SCHIP1: variants seen among roughly 807,000 people sequenced by gnomAD.
SCHIP1 encodes the protein schwannomin interacting protein 1.
Under a neutral mutation model 29.7 loss-of-function variants are expected in SCHIP1, and 8 were observed. The ratio of observed to expected loss-of-function variants is 0.27; its 90% CI spans 0.16 to 0.49. The LOEUF (loss-of-function observed/expected upper bound fraction) is 0.49. Among genes scored for constraint, SCHIP1 ranks in the 20% least tolerant of loss-of-function variants. The pLI, the probability that SCHIP1 is intolerant of heterozygous loss-of-function variation, is 0.99. For missense variants in SCHIP1, 193 were observed against 294.6 expected (o/e 0.66, Z 2.52); for synonymous variants, 76 against 94.9 (o/e 0.80, Z 1.16).
chr3:159,590,243 T>C, the SCHIP1 span, among the ~76,000 whole-genome samples: 1 of 151,972 alleles, frequency 6.6e-6, no homozygotes, highest in Admixed American at 6.6e-5. Flanking sequence ...CATTTCAAAG[T>C]CAAACCCTAA....
At chr3:159,457,922 C>A in the SCHIP1 span, among the ~76,000 whole-genome samples, 1 of 152,046 alleles carries the variant, frequency 6.6e-6, no homozygotes, top group Non-Finnish European at 1.5e-5. Context: ...TAGTTGACTG[C>A]AGGTAACTGG....
the SCHIP1 span, among the ~76,000 whole-genome samples, chr3:159,713,206 AAGAGAG>A: frequency 5.0e-3 from 705 of 140,498 alleles, 5 homozygotes; most frequent in African/African-American, 0.019. Context: ...GAAAGAAAGA[AAGAGAG>A]AGAGAGAGAG....
chr3:159,633,025 T>C, the SCHIP1 span, among the ~76,000 whole-genome samples: 1 of 152,164 alleles, frequency 6.6e-6, no homozygotes, highest in African/African-American at 2.4e-5. Flanking sequence ...GAAAACCTTC[T>C]CCTAGGTCTG....
the SCHIP1 span, among the ~76,000 whole-genome samples, chr3:159,348,147 T>C: frequency 6.6e-6 from 1 of 152,248 alleles, no homozygotes; most frequent in East Asian, 1.9e-4. Context: ...TTAATAATAA[T>C]AAAAACTTTA....
chr3:159,455,193 G>A, the SCHIP1 span, among the ~76,000 whole-genome samples: 1 of 152,062 alleles, frequency 6.6e-6, no homozygotes. Flanking sequence ...CACCTAGCTG[G>A]GATGCATTTT....
the SCHIP1 span, among the ~76,000 whole-genome samples, chr3:159,472,802 G>T: frequency 6.6e-6 from 1 of 152,132 alleles, no homozygotes; most frequent in Admixed American, 6.6e-5. Context: ...AAGCTAATGG[G>T]TGTGCTGTAT....
chr3:159,821,689 T>C, the SCHIP1 span, among the ~76,000 whole-genome samples: 2 of 152,276 alleles, frequency 1.3e-5, no homozygotes, highest in Non-Finnish European at 2.9e-5. Context: ...GGTTTTATTG[T>C]AGGTCATAGC....
intron 2 of SCHIP1, 94 bp downstream of exon 3, chr3:159,866,375 G>T: frequency 3.2e-6 from 4 of 1,231,636 alleles, no homozygotes; most frequent in South Asian, 1.6e-5. Context: ...ATCTTCTGTA[G>T]TTTTTTTTTC....
the SCHIP1 span, among the ~76,000 whole-genome samples, chr3:159,433,457 G>A: frequency 6.6e-6 from 1 of 152,136 alleles, no homozygotes; most frequent in Non-Finnish European, 1.5e-5. Context: ...GAAAATATCT[G>A]TCTAGATCAA....
the SCHIP1 span, among the ~76,000 whole-genome samples, chr3:159,492,630 G>A: frequency 6.6e-6 from 1 of 152,208 alleles, no homozygotes; most frequent in Non-Finnish European, 1.5e-5. Flanking sequence ...TCTAATTGCT[G>A]TACCTGAAAG....
chr3:159,665,239 A>G, the SCHIP1 span, among the ~76,000 whole-genome samples: 1 of 152,202 alleles, frequency 6.6e-6, no homozygotes, highest in Non-Finnish European at 1.5e-5. Flanking sequence ...GTGTGCCAAA[A>G]TAGCACTCAG....
At chr3:159,477,843 T>A in the SCHIP1 span, among the ~76,000 whole-genome samples, 1 of 151,880 alleles carries the variant, frequency 6.6e-6, no homozygotes, top group African/African-American at 2.4e-5. Context: ...ATTCAAAAAA[T>A]TATTGCCTAG....
chr3:159,632,036 T>A, the SCHIP1 span, among the ~76,000 whole-genome samples: 3 of 152,044 alleles, frequency 2.0e-5, no homozygotes, highest in African/African-American at 7.2e-5. Flanking sequence ...CAAAAAAAAA[T>A]ATGGTAAGAT....
chr3:159,586,211 G>A, the SCHIP1 span, among the ~76,000 whole-genome samples: 1 of 152,132 alleles, frequency 6.6e-6, no homozygotes. Context: ...TTGGCCACAG[G>A]GATGTCTATT....
chr3:159,500,839 T>C, the SCHIP1 span, among the ~76,000 whole-genome samples: 1 of 152,270 alleles, frequency 6.6e-6, no homozygotes, highest in East Asian at 1.9e-4. Context: ...TTCTGGAACT[T>C]TCCCCAACCA....
At chr3:159,720,416 T>C in the SCHIP1 span, among the ~76,000 whole-genome samples, 1 of 151,910 alleles carries the variant, frequency 6.6e-6, no homozygotes, top group African/African-American at 2.4e-5. Context: ...TAAGTAAAAA[T>C]TGAATAACTT....
At chr3:159,306,794 C>G in the SCHIP1 span, among the ~76,000 whole-genome samples, 1 of 152,136 alleles carries the variant, frequency 6.6e-6, no homozygotes, top group East Asian at 1.9e-4. Flanking sequence ...TAACATTAAG[C>G]TCAGTGTACA....
chr3:159,746,408 T>A, the SCHIP1 span, among the ~76,000 whole-genome samples: 1 of 152,204 alleles, frequency 6.6e-6, no homozygotes, highest in Non-Finnish European at 1.5e-5. Context: ...TCCACAACAC[T>A]AATGATCTGC....
the SCHIP1 span, among the ~76,000 whole-genome samples, chr3:159,690,786 G>C: frequency 6.6e-6 from 1 of 152,144 alleles, no homozygotes; most frequent in Admixed American, 6.6e-5. Flanking sequence ...AGAGATTCTG[G>C]TGTGTTGTGT....
Sources: allele counts gnomAD v4.1 joint callset (sites outside exome capture counted in the v4.1 genomes callset), GRCh38; gene constraint gnomAD v4.1.1; transcripts MANE v1.5; gene names NCBI Gene and HGNC (gene_info 2026-07-23, HGNC 2026-07-21).